ZNF143: variants seen among roughly 807,000 people sequenced by gnomAD.
ZNF143 encodes the protein SPH-binding factor.
ZNF143 carries 49 observed loss-of-function variants against 74.1 expected under a neutral mutation model. The ratio of observed to expected loss-of-function variants is 0.66; its 90% CI spans 0.53 to 0.84. The LOEUF (loss-of-function observed/expected upper bound fraction) is 0.84, where lower values mean the gene tolerates loss of function less well. Among genes scored for constraint, ZNF143 ranks in the 40% least tolerant of loss-of-function variants. ZNF143 has a pLI of 0.00. For synonymous variants in ZNF143, 304 were observed against 282.8 expected (o/e 1.07, Z -0.75); for missense variants, 637 against 793.4 (o/e 0.80, Z 2.37).
intron 7 of ZNF143, among the ~76,000 whole-genome samples, chr11:9,480,494 G>C (rs1242225698): frequency 6.6e-6 from 1 of 152,014 alleles, no homozygotes; most frequent in East Asian, 1.9e-4. Context: ...TGACCACTTA[G>C]TGACATTGAG....
Position 9,527,987 on chromosome 11 carries a change from G to T in ZNF143, c.*374G>T. ...TAAAGGCTGTATCTAAAATATCAAAGGTTCTATATGTCACACAATCGTAAT... is the reference window on the plus strand; with the variant it reads ...TAAAGGCTGTATCTAAAATATCAAATGTTCTATATGTCACACAATCGTAAT... On this transcript the variant is annotated 3_prime_UTR_variant, in exon 16 of 16. Transcript: ENST00000396602. 1 of 160,950 alleles carries T rather than the reference G, an allele frequency of 6.2e-6. No homozygotes were observed. 10.0% of individuals were successfully genotyped at this position (160,950 alleles called of 1,614,324 possible).
At chr11:9,467,138 C>T (rs559476857) in intron 1 of ZNF143, among the ~76,000 whole-genome samples, 1 of 152,044 alleles carries the variant, frequency 6.6e-6, no homozygotes, top group Non-Finnish European at 1.5e-5. Flanking sequence ...GTGATCCACC[C>T]GCCTTGGCCT....
intron 5 of ZNF143, 56 bp downstream of exon 5, chr11:9,474,689 A>G (rs1183162280): frequency 1.3e-6 from 2 of 1,487,158 alleles, no homozygotes; most frequent in South Asian, 1.1e-5. Context: ...GTGGTGGGGG[A>G]AAGAAGACCT....
chr11:9,517,258 T>C (rs1488639440), intron 14 of ZNF143, among the ~76,000 whole-genome samples: 1 of 152,086 alleles, frequency 6.6e-6, no homozygotes, highest in Non-Finnish European at 1.5e-5. Context: ...AAACTTAACA[T>C]CTTCAAAATC....
intron 7 of ZNF143, among the ~76,000 whole-genome samples, chr11:9,488,816 T>C (rs1728853220): frequency 6.6e-6 from 1 of 152,026 alleles, no homozygotes; most frequent in Admixed American, 6.6e-5. Flanking sequence ...TAGGGAGTTA[T>C]GATGGAGGGA....
chr11:9,492,931 G>A (rs1477815500), intron 7 of ZNF143, among the ~76,000 whole-genome samples: 2 of 152,126 alleles, frequency 1.3e-5, no homozygotes, highest in African/African-American at 4.8e-5. Context: ...TCTGTGTTTG[G>A]AATGATGACA....
intron 7 of ZNF143, among the ~76,000 whole-genome samples, chr11:9,486,904 G>A (rs1348450912): frequency 2.0e-5 from 3 of 148,086 alleles, no homozygotes; most frequent in East Asian, 2.0e-4. Flanking sequence ...TCCTGACCTC[G>A]TGATCCACCT....
chr11:9,484,587 T>C (rs1278129834), intron 7 of ZNF143, among the ~76,000 whole-genome samples: 1 of 147,854 alleles, frequency 6.8e-6, no homozygotes, highest in African/African-American at 2.6e-5. Flanking sequence ...ATGGTTATCT[T>C]AGGGGCAAAA....
In ZNF143 at chr11:9,494,750, A is replaced by G. The variant is rs370758681; in HGVS notation, c.750A>G (p.Thr250=). The G allele has an allele frequency of 2.5e-5, 40 of 1,609,872 alleles. No individual in the cohort carries two copies. The highest frequency in any genetic ancestry group is 3.2e-5 in the Non-Finnish European group (38 of 1,176,278). Residue 250 remains threonine, a synonymous_variant, in exon 8 of 16, where the codon ACA becomes ACG. Transcript: ENST00000396602. ...ATGGATGTGGAAAATTATATACAAC[A>G]GCTCATCATCTCAAGGTATATATAA... ...EYDGCGKLYT[T]AHHLKVHERS... is the part of the protein sequence containing the mutation.
At chr11:9,467,334 C>G (rs533329301) in intron 1 of ZNF143, among the ~76,000 whole-genome samples, 1 of 151,262 alleles carries the variant, frequency 6.6e-6, no homozygotes, top group East Asian at 2.0e-4. Context: ...CCTCCGGGTT[C>G]AAGTGATTCT....
chr11:9,472,100 T>C (rs1011256440), intron 2 of ZNF143, among the ~76,000 whole-genome samples: 22 of 151,106 alleles, frequency 1.5e-4, no homozygotes, highest in African/African-American at 5.4e-4. Flanking sequence ...AGCTAATTAT[T>C]TTATTTTTAG....
Position 9,512,547 on chromosome 11 carries a change from C to G in ZNF143, c.1475C>G (p.Ser492Cys). Residue 492 changes from serine to cysteine, a missense_variant, in exon 13 of 16, where the codon TCT (serine) becomes TGT (cysteine). Ser to Cys is a moderately radical substitution (Grantham distance 112). Coordinates refer to ENST00000396602, the MANE Select transcript of ZNF143 (RefSeq NM_003442.6). ...ACACAAGTAGCCACAGTAACCCAAT[C>G]TGGACTGAGTCAACAAGTTACACTC... ...VSTQVATVTQ[S>C]GLSQQVTLIS... The G allele has an allele frequency of 6.2e-7, 1 of 1,614,220 alleles. No individual in the cohort carries two copies.
chr11:9,517,967 T>G (rs1244075805), intron 14 of ZNF143, among the ~76,000 whole-genome samples: 1 of 152,174 alleles, frequency 6.6e-6, no homozygotes, highest in Non-Finnish European at 1.5e-5. Context: ...GAAAAGATAT[T>G]CACACTATAT....
intron 1 of ZNF143, among the ~76,000 whole-genome samples, chr11:9,467,127 C>T (rs751849853): frequency 4.0e-5 from 6 of 150,740 alleles, no homozygotes; most frequent in East Asian, 2.0e-4. Flanking sequence ...CTCCTGACCT[C>T]GTGATCCACC....
intron 10 of ZNF143, among the ~76,000 whole-genome samples, chr11:9,500,063 C>G (rs1159221274): frequency 6.6e-6 from 1 of 152,188 alleles, no homozygotes; most frequent in East Asian, 1.9e-4. Flanking sequence ...CCATCTCACC[C>G]TCCCGAGTAG....
intron 7 of ZNF143, among the ~76,000 whole-genome samples, chr11:9,486,443 T>TATATATATA (rs1565039504): frequency 2.4e-4 from 11 of 45,488 alleles, no homozygotes; most frequent in Admixed American, 4.0e-4. Flanking sequence ...ATATATAATA[T>TATATATATA]ATTATATATA....
chr11:9,467,310 A>G (rs1031480551), intron 1 of ZNF143, among the ~76,000 whole-genome samples: 14 of 149,604 alleles, frequency 9.4e-5, no homozygotes, highest in African/African-American at 3.5e-4. Context: ...ATCTTGGCTC[A>G]CTGCTGCCTC....
At chr11:9,513,867 A>T (rs561022653) in intron 13 of ZNF143, among the ~76,000 whole-genome samples, 3 of 152,166 alleles carry the variant, frequency 2.0e-5, no homozygotes, top group African/African-American at 7.2e-5. Context: ...CGGCCTGGAC[A>T]TTGGAGTGAG....
Position 9,496,928 on chromosome 11 carries a change from C to A in ZNF143, c.841+550C>A, listed in dbSNP as rs148273402. Among the ~76,000 whole-genome samples, 22 of 152,220 alleles carry A rather than the reference C, an allele frequency of 1.4e-4. No individual in the cohort carries two copies. The East Asian group carries it at 3.9e-3, about 27-fold the overall frequency. On this transcript the variant is annotated intron_variant, in intron 9 of 15. Coordinates refer to ENST00000396602, the MANE Select transcript of ZNF143 (RefSeq NM_003442.6). ...GCTGTGTTTGATACTTTTCACTCCT[C>A]CACATTCTGTTTATTTTAGCGGGAA...
Sources: allele counts gnomAD v4.1 joint callset (sites outside exome capture counted in the v4.1 genomes callset), GRCh38; gene constraint gnomAD v4.1.1; transcripts MANE v1.5; gene names NCBI Gene and HGNC (gene_info 2026-07-23, HGNC 2026-07-21).